The following SCFD2 variants were observed in gnomAD, a reference collection of about 807,000 sequenced individuals.
SCFD2 encodes sec1 family domain containing 2.
SCFD2 carries 54 observed loss-of-function variants against 58.9 expected under a neutral mutation model. The ratio of observed to expected loss-of-function variants is 0.92; its 90% CI spans 0.74 to 1.15. The LOEUF (loss-of-function observed/expected upper bound fraction) is 1.15. SCFD2 is among the 50% of genes most tolerant of loss of function. SCFD2 has a pLI of 0.00. For missense variants in SCFD2, 805 were observed against 836.6 expected, an observed-to-expected ratio of 0.96 and a Z score of 0.47; for synonymous variants, 321 against 335.9, an observed-to-expected ratio of 0.96 and a Z score of 0.49.
intron 5 of SCFD2, among the ~76,000 whole-genome samples, chr4:53,087,867 G>C (rs1257991432): frequency 1.3e-5 from 2 of 150,714 alleles, no homozygotes; most frequent in African/African-American, 4.9e-5. Context: ...CACCATCTTG[G>C]CCAGGCTGGT....
At chr4:52,937,072 G>A (rs1720156775) in intron 5 of SCFD2, among the ~76,000 whole-genome samples, 2 of 152,340 alleles carry the variant, frequency 1.3e-5, no homozygotes, top group South Asian at 2.1e-4. Context: ...AAGAAAAATG[G>A]AGGTAGGGGA....
chr4:53,318,237 T>A (rs564132159), intron 2 of SCFD2, among the ~76,000 whole-genome samples: 1 of 152,356 alleles, frequency 6.6e-6, no homozygotes, highest in South Asian at 2.1e-4. Context: ...AGAAAGTTAG[T>A]GTTTTTCTTA....
At chr4:53,214,090 A>G (rs540514208) in intron 4 of SCFD2, among the ~76,000 whole-genome samples, 2 of 152,218 alleles carry the variant, frequency 1.3e-5, no homozygotes, top group African/African-American at 4.8e-5. Flanking sequence ...AGTCTTTGCT[A>G]TTGTAAATAG....
intron 4 of SCFD2, among the ~76,000 whole-genome samples, chr4:53,228,189 G>C (rs1162907575): frequency 6.6e-6 from 1 of 152,208 alleles, no homozygotes; most frequent in Non-Finnish European, 1.5e-5. Context: ...AATGGTGGTA[G>C]ATGGGGTGGT....
chr4:53,200,844 TTCAG>T (rs1183948487), intron 4 of SCFD2, among the ~76,000 whole-genome samples: 1 of 151,624 alleles, frequency 6.6e-6, no homozygotes, highest in African/African-American at 2.4e-5. Flanking sequence ...ATGGATTCAG[TTCAG>T]TCATTCATCT....
At chr4:53,330,596 C>T (rs191632926) in intron 2 of SCFD2, among the ~76,000 whole-genome samples, 34 of 152,066 alleles carry the variant, frequency 2.2e-4, no homozygotes, top group African/African-American at 7.2e-4. Context: ...CTGAAGGAAG[C>T]GCTAAACATG....
chr4:53,123,278 A>G (rs1045382458), intron 5 of SCFD2, among the ~76,000 whole-genome samples: 3 of 152,264 alleles, frequency 2.0e-5, no homozygotes, highest in Admixed American at 6.5e-5. Flanking sequence ...CTTGAACATT[A>G]AGTTTAAACA....
chr4:52,900,123 A>C (rs959115946), intron 7 of SCFD2, among the ~76,000 whole-genome samples: 1 of 151,892 alleles, frequency 6.6e-6, no homozygotes. Context: ...GAGTAGTTTG[A>C]TCTTCTGCAG....
rs567973179 is a variant in SCFD2 at position 52,952,245 on chromosome 4, C to G, written c.1562-31375G>C. On this transcript the variant is annotated intron_variant, in intron 5 of 8. Transcript: ENST00000401642. ...CACCTCCCCATCCCCTCTCACAGCC[C>G]CATCCCCTCTCACACCCCCATCCCC... Among the ~76,000 whole-genome samples the G allele has an allele frequency of 3.0e-4, 37 of 124,644 alleles. No homozygotes were observed. The South Asian group carries it at 5.9e-3, about 20-fold the overall frequency. 81.8% of individuals were successfully genotyped at this position (124,644 alleles called of 152,430 possible).
intron 5 of SCFD2, among the ~76,000 whole-genome samples, chr4:52,958,259 C>T (rs975188215): frequency 1.6e-4 from 24 of 152,176 alleles, no homozygotes; most frequent in Non-Finnish European, 2.1e-4. Context: ...AGGTTATGAA[C>T]TTGTGCTTAC....
chr4:53,365,881 C>T lies in SCFD2; in HGVS notation c.61G>A (p.Val21Met), dbSNP rs1191084665. The T allele has an allele frequency of 1.2e-6, 2 of 1,606,284 alleles. No individual in the cohort carries two copies. The highest frequency in any genetic ancestry group is 1.7e-6 in the Non-Finnish European group (2 of 1,178,184). ...QQGWEQVLAK[V>M]KRAVVYLDAA... ...TCCAGGTAAACCACAGCCCGTTTCA[C>T]TTTGGCCAGCACCTGCTCCCATCCT... Residue 21 changes from valine to methionine, a missense_variant, in exon 1 of 9, where the codon GTG becomes ATG. By Grantham distance (21) the Val-to-Met change is conservative. Around this residue, in one of 3 missense-constraint regions of SCFD2, gnomAD observed 155 missense variants for 149.7 expected, o/e 1.04. Transcript: ENST00000401642. This position sits in a 1 kb window ranked among gnomAD's most constrained non-coding sequence, Gnocchi z 4.3.
At chr4:53,120,349 A>C (rs1484867198) in intron 5 of SCFD2, among the ~76,000 whole-genome samples, 1 of 152,182 alleles carries the variant, frequency 6.6e-6, no homozygotes, top group Non-Finnish European at 1.5e-5. Flanking sequence ...TAACTATGCT[A>C]TGATCTTACT....
chr4:53,152,902 C>T (rs1475472792), intron 4 of SCFD2, among the ~76,000 whole-genome samples: 2 of 152,120 alleles, frequency 1.3e-5, no homozygotes, highest in Non-Finnish European at 2.9e-5. Context: ...AACCTTAATG[C>T]TCCAAAAAAA....
intron 5 of SCFD2, among the ~76,000 whole-genome samples, chr4:53,139,496 A>ATC (rs1427939642): frequency 1.2e-5 from 1 of 84,188 alleles, no homozygotes; most frequent in Non-Finnish European, 3.4e-5. Flanking sequence ...CCGGCCGCCC[A>ATC]GTCTGAGAAG....
chr4:53,230,216 A>G (rs1314859076), intron 4 of SCFD2, among the ~76,000 whole-genome samples: 1 of 152,222 alleles, frequency 6.6e-6, no homozygotes, highest in Non-Finnish European at 1.5e-5. Context: ...CAGTGTGGCG[A>G]TTCCTCAGGG....
intron 4 of SCFD2, among the ~76,000 whole-genome samples, chr4:53,183,999 T>C (rs1234846517): frequency 1.3e-5 from 2 of 152,128 alleles, no homozygotes; most frequent in Non-Finnish European, 2.9e-5. Context: ...CATTGCCTAA[T>C]ACAACAAATG....
In SCFD2 at chr4:52,985,931, AT is replaced by A. The variant is rs1051912008; in HGVS notation, c.1562-65062del. Among the ~76,000 whole-genome samples, 39 of 151,382 alleles carry A rather than the reference AT, an allele frequency of 2.6e-4. 1 individual carries two copies. In the South Asian group the frequency reaches 7.6e-3, roughly 29 times the overall value. On this transcript the variant is annotated intron_variant, in intron 5 of 8. Coordinates refer to ENST00000401642, the MANE Select transcript of SCFD2 (RefSeq NM_152540.4). ...ATTGGTGAGGTGCGGGTATATGGAC[AT>A]TTTTTTTTAAGTGCTGAACAAATCG...
intron 4 of SCFD2, among the ~76,000 whole-genome samples, chr4:53,231,112 T>A (rs1729423738): frequency 6.6e-6 from 1 of 152,130 alleles, no homozygotes; most frequent in Non-Finnish European, 1.5e-5. Context: ...TATGGCATAC[T>A]AAGAAAGGAA....
At chr4:53,048,634 A>G (rs1723104432) in intron 5 of SCFD2, among the ~76,000 whole-genome samples, 1 of 152,168 alleles carries the variant, frequency 6.6e-6, no homozygotes, top group Admixed American at 6.6e-5. Flanking sequence ...CCAGCTACTA[A>G]GTAGGTTGAA....
Sources: allele counts gnomAD v4.1 joint callset (sites outside exome capture counted in the v4.1 genomes callset), GRCh38; gene constraint gnomAD v4.1.1; regional missense constraint gnomAD v4.1.1; non-coding constraint Gnocchi (gnomAD v3.1); transcripts MANE v1.5; gene names NCBI Gene and HGNC (gene_info 2026-07-23, HGNC 2026-07-21).